Variants in PRKG1 observed in about 807,000 individuals in gnomAD.
PRKG1 encodes protein kinase cGMP-dependent 1.
PRKG1 carries 35 observed loss-of-function variants against 88.1 expected under a neutral mutation model. That is an observed-to-expected ratio of 0.40 (90% CI 0.30 to 0.53). PRKG1 has a LOEUF of 0.53. Among genes scored for constraint, PRKG1 ranks in the 20% least tolerant of loss-of-function variants. The pLI is 0.59. For synonymous variants in PRKG1, 303 were observed against 292.5 expected, an observed-to-expected ratio of 1.04 and a Z score of -0.37; for missense variants, 540 against 839.8, an observed-to-expected ratio of 0.64 and a Z score of 4.41.
At chr10:51,410,218 A>C (rs1447000588) in intron 2 of PRKG1, among the ~76,000 whole-genome samples, 2 of 146,842 alleles carry the variant, frequency 1.4e-5, no homozygotes, top group Non-Finnish European at 3.0e-5. Flanking sequence ...TCCCCTTTAC[A>C]TATATATATG....
chr10:51,756,790 G>C (rs887862639), intron 3 of PRKG1, among the ~76,000 whole-genome samples: 2 of 151,778 alleles, frequency 1.3e-5, no homozygotes, highest in Non-Finnish European at 2.9e-5. Flanking sequence ...ACTCCAGCCT[G>C]GGTGACAGTG....
At chr10:51,703,323 T>G (rs921169143) in intron 3 of PRKG1, among the ~76,000 whole-genome samples, 5 of 152,166 alleles carry the variant, frequency 3.3e-5, no homozygotes, top group African/African-American at 9.7e-5. Context: ...CTACAAATAT[T>G]TTGAGTAATG....
intron 4 of PRKG1, among the ~76,000 whole-genome samples, chr10:51,828,692 C>T (rs1839935354): frequency 6.6e-6 from 1 of 151,926 alleles, no homozygotes; most frequent in Non-Finnish European, 1.5e-5. Context: ...CTAGAAAACA[C>T]AAGAATATAG....
intron 2 of PRKG1, among the ~76,000 whole-genome samples, chr10:51,230,004 A>G (rs1838800401): frequency 6.6e-6 from 1 of 152,016 alleles, no homozygotes. Flanking sequence ...AATTTAAAAT[A>G]TTCCTAATTT....
At chr10:51,607,004 C>A (rs1838783620) in intron 3 of PRKG1, among the ~76,000 whole-genome samples, 1 of 152,098 alleles carries the variant, frequency 6.6e-6, no homozygotes, top group African/African-American at 2.4e-5. Flanking sequence ...AGTATTACAG[C>A]CCTCTGAAGA....
intron 3 of PRKG1, among the ~76,000 whole-genome samples, chr10:51,785,400 C>G (rs1381887385): frequency 6.6e-6 from 1 of 151,518 alleles, no homozygotes; most frequent in Non-Finnish European, 1.5e-5. Context: ...AAAAGAAAAA[C>G]AAAATGTATG....
Position 52,293,993 on chromosome 10 carries a change from C to A in PRKG1, c.*93C>A. On this transcript the variant is annotated 3_prime_UTR_variant, in exon 18 of 18. Transcript: ENST00000373980. The stretch of plus-strand genomic sequence containing the variant: ...CTGAGGGAAAGAGAGAAGATTAGTG[C>A]TCGGGGTCACCATGATGCCTTTGAT... The A allele has an allele frequency of 9.6e-7, 1 of 1,037,390 alleles. No homozygotes were observed. Among genetic ancestry groups the A allele is most frequent in the Non-Finnish European group, 1.5e-6 (1 of 687,160 alleles). The allele number at this position is 1,037,390 out of a possible 1,614,324, so 64.3% of individuals were successfully genotyped here.
intron 3 of PRKG1, among the ~76,000 whole-genome samples, chr10:51,748,011 C>A (rs1054289925): frequency 4.6e-5 from 7 of 152,152 alleles, no homozygotes; most frequent in African/African-American, 1.4e-4. Context: ...AGCAGTAGAG[C>A]CAGAACTCCT....
intron 3 of PRKG1, among the ~76,000 whole-genome samples, chr10:51,617,383 G>A (rs373420867): frequency 9.9e-5 from 15 of 151,958 alleles, no homozygotes; most frequent in African/African-American, 2.9e-4. Context: ...TTTAGGGGAG[G>A]AGGTAAGCAC....
chr10:51,588,961 TA>T (rs1838240318), intron 3 of PRKG1, among the ~76,000 whole-genome samples: 1 of 152,166 alleles, frequency 6.6e-6, no homozygotes, highest in African/African-American at 2.4e-5. Context: ...AGATACCAAA[TA>T]AAAATTTGCA....
chr10:51,255,328 C>A lies in PRKG1; in HGVS notation c.478+101998C>A, dbSNP rs192103272. ...TTTGTAGTAAAAGAAATCATTTAAA[C>A]ATGTAGAAACACAGAATTTTAGAAC... On this transcript the variant is annotated intron_variant, in intron 2 of 17. Transcript: ENST00000373980. Among the ~76,000 whole-genome samples, 882 of 152,154 alleles carry A rather than the reference C, an allele frequency of 5.8e-3. 4 individuals carry two copies. The highest frequency in any genetic ancestry group is 0.02 in the African/African-American group (838 of 41,520).
chr10:51,553,621 A>G (rs939369700), intron 3 of PRKG1, among the ~76,000 whole-genome samples: 9 of 151,400 alleles, frequency 5.9e-5, no homozygotes, highest in African/African-American at 2.2e-4. Flanking sequence ...TAACCATGTC[A>G]CTTTCTTCTT....
intron 2 of PRKG1, among the ~76,000 whole-genome samples, chr10:51,175,372 C>A (rs1322342139): frequency 2.0e-5 from 3 of 151,888 alleles, no homozygotes; most frequent in Non-Finnish European, 2.9e-5. Flanking sequence ...TACCAATAAA[C>A]CTGTAGCATG....
chr10:51,885,063 G>A (rs10999930), intron 4 of PRKG1, among the ~76,000 whole-genome samples: 28,279 of 152,108 alleles, frequency 0.19, 3,208 homozygotes, highest in Non-Finnish European at 0.25. Flanking sequence ...CTGACATACC[G>A]TGCAATCTTA....
chr10:51,567,162 T>A (rs1837628198), intron 3 of PRKG1, among the ~76,000 whole-genome samples: 1 of 152,100 alleles, frequency 6.6e-6, no homozygotes, highest in Non-Finnish European at 1.5e-5. Context: ...TTCTTTGTAC[T>A]GACATTTGCC....
At position 52,143,480 on chromosome 10, in the gene PRKG1, C is replaced by A. The variant is rs927671705; in HGVS notation, c.1001+9575C>A. Among the ~76,000 whole-genome samples, 3 of 152,138 alleles carry A rather than the reference C, an allele frequency of 2.0e-5. 1 individual carries two copies. The highest frequency in any genetic ancestry group is 1.3e-4 in the Admixed American group (2 of 15,272). On this transcript the variant is annotated intron_variant, in intron 8 of 17. Coordinates refer to ENST00000373980, the MANE Select transcript of PRKG1 (RefSeq NM_006258.4). The stretch of plus-strand genomic sequence containing the variant: ...AATGTCTCCTGTGGGGTGAAAATCA[C>A]CCCCTGTTAGGAAGGATATAGTCAT...
intron 7 of PRKG1, among the ~76,000 whole-genome samples, chr10:52,104,917 G>A (rs369920070): frequency 4.5e-4 from 68 of 152,060 alleles, no homozygotes; most frequent in African/African-American, 1.4e-3. Flanking sequence ...CTTTACTTTC[G>A]TGAAAGAATG....
intron 7 of PRKG1, among the ~76,000 whole-genome samples, chr10:52,122,259 T>C (rs1010120413): frequency 5.3e-5 from 8 of 152,162 alleles, no homozygotes; most frequent in Non-Finnish European, 8.8e-5. Context: ...GCATACTCAC[T>C]CCTGACATAA....
In PRKG1 at chr10:51,400,665, G is replaced by A. The variant is rs915359430; in HGVS notation, c.479-67058G>A. 3.9e-4 allele frequency among the ~76,000 whole-genome samples: 59 copies of A among 152,210 alleles called. 2 individuals are homozygous for A. Among genetic ancestry groups the A allele is most frequent in the Admixed American group, 2.5e-3 (38 of 15,280 alleles). On this transcript the variant is annotated intron_variant, in intron 2 of 17. Transcript: ENST00000373980. Reference sequence around the variant, plus strand: ...CAGAGTGCAACGTGGAAGTGAGTGCGTTTCTGTTTAAATTGAAACTCCCGG... The same window carrying A: ...CAGAGTGCAACGTGGAAGTGAGTGCATTTCTGTTTAAATTGAAACTCCCGG...
Sources: allele counts gnomAD v4.1 joint callset (sites outside exome capture counted in the v4.1 genomes callset), GRCh38; gene constraint gnomAD v4.1.1; transcripts MANE v1.5; gene names NCBI Gene and HGNC (gene_info 2026-07-23, HGNC 2026-07-21).